The following RSRC1 variants were observed in gnomAD, a reference collection of about 807,000 sequenced individuals.
RSRC1 encodes the protein serine/Arginine-related protein 53.
A neutral mutation model predicts 49.1 loss-of-function variants in RSRC1; 39 were observed. The observed-to-expected ratio is 0.79, with a 90% CI of 0.61 to 1.04. The LOEUF (loss-of-function observed/expected upper bound fraction) is 1.04, where lower values mean the gene tolerates loss of function less well. Among genes scored for constraint, RSRC1 ranks in the 50% least tolerant of loss-of-function variants. The pLI, the probability that RSRC1 is intolerant of heterozygous loss-of-function variation, is 0.00. For missense variants in RSRC1, 388 were observed against 402.4 expected (o/e 0.96, Z 0.31); for synonymous variants, 143 against 130.8 (o/e 1.09, Z -0.63).
chr3:158,460,446 C>T (rs1269481118), intron 6 of RSRC1, among the ~76,000 whole-genome samples: 1 of 151,722 alleles, frequency 6.6e-6, no homozygotes, highest in Non-Finnish European at 1.5e-5. Flanking sequence ...TTCTTTTAAC[C>T]AAATGCTGTC....
At chr3:158,238,804 T>C (rs955837220) in intron 4 of RSRC1, among the ~76,000 whole-genome samples, 1 of 152,122 alleles carries the variant, frequency 6.6e-6, no homozygotes, top group Admixed American at 6.6e-5. Flanking sequence ...GACATAGGCA[T>C]GGGCAAGGAC....
chr3:158,121,116 C>A (rs1715229337), intron 1 of RSRC1, among the ~76,000 whole-genome samples: 1 of 151,710 alleles, frequency 6.6e-6, no homozygotes, highest in African/African-American at 2.4e-5. Context: ...TTCATATGTA[C>A]ATATTTTCTT....
chr3:158,264,217 T>G (rs1210285642), intron 4 of RSRC1, among the ~76,000 whole-genome samples: 1 of 152,198 alleles, frequency 6.6e-6, no homozygotes, highest in Non-Finnish European at 1.5e-5. Context: ...ATTCTGATAT[T>G]ATGTTTTTGT....
intron 5 of RSRC1, among the ~76,000 whole-genome samples, chr3:158,352,285 A>G (rs1483952964): frequency 6.6e-6 from 1 of 152,144 alleles, no homozygotes; most frequent in Non-Finnish European, 1.5e-5. Flanking sequence ...CAAAAAAGAA[A>G]AAAGAATCTT....
chr3:158,384,037 GTTTC>G lies in RSRC1; in HGVS notation c.583+29133_583+29136del, dbSNP rs560096679. On this transcript the variant is annotated intron_variant, in intron 6 of 9. Coordinates refer to ENST00000611884, the MANE Select transcript of RSRC1 (RefSeq NM_001271838.2). ...ATATTTTAGAAAAGATTTATGACTA[GTTTC>G]TTTATGAAGTAGCCTACTCTTTGTA... is the stretch of plus-strand genomic sequence containing the variant. Among the ~76,000 whole-genome samples the G allele has an allele frequency of 7.2e-3, 1,099 of 152,210 alleles. 16 individuals carry two copies. Among genetic ancestry groups the G allele is most frequent in the African/African-American group, 0.026 (1,062 of 41,564 alleles).
At chr3:158,117,958 C>T (rs894599621) in intron 1 of RSRC1, among the ~76,000 whole-genome samples, 6 of 148,082 alleles carry the variant, frequency 4.1e-5, no homozygotes, top group Non-Finnish European at 5.9e-5. Flanking sequence ...TTTTTGTTGT[C>T]TGTTTTTTTG....
Position 158,203,141 on chromosome 3 carries a change from T to A in RSRC1, c.390T>A (p.Arg130=), listed in dbSNP as rs1426093464. 2.5e-6 allele frequency: 4 copies of A among 1,613,692 alleles called. No homozygotes were observed. The highest frequency in any genetic ancestry group is 3.4e-6 in the Non-Finnish European group (4 of 1,179,864). ...SSERSSHRRT[R]SRSRDRERRK... ...AAAGGTCCAGTCACAGAAGAACGCG[T>A]AGTCGGTCTCGGGATAGAGAACGAC... The change falls in exon 4 of 10, where the codon CGT becomes CGA. Residue 130 remains arginine (R), a synonymous_variant. Coordinates refer to ENST00000611884, the MANE Select transcript of RSRC1 (RefSeq NM_001271838.2).
At chr3:158,334,341 A>T (rs1403923948) in intron 5 of RSRC1, among the ~76,000 whole-genome samples, 1 of 152,166 alleles carries the variant, frequency 6.6e-6, no homozygotes, top group African/African-American at 2.4e-5. Context: ...AAAAATAACT[A>T]GTTTTGTGTG....
At chr3:158,167,015 A>T (rs1358248564) in intron 3 of RSRC1, among the ~76,000 whole-genome samples, 2 of 152,160 alleles carry the variant, frequency 1.3e-5, no homozygotes, top group Non-Finnish European at 2.9e-5. Flanking sequence ...ATAACAACTT[A>T]GTGGTTAGGA....
intron 4 of RSRC1, among the ~76,000 whole-genome samples, chr3:158,271,783 G>A (rs1725530640): frequency 6.6e-6 from 1 of 151,852 alleles, no homozygotes; most frequent in African/African-American, 2.4e-5. Context: ...ACCTTTTTAG[G>A]TGTACAAGTC....
At chr3:158,504,457 G>A (rs1261616132) in intron 7 of RSRC1, among the ~76,000 whole-genome samples, 1 of 152,166 alleles carries the variant, frequency 6.6e-6, no homozygotes, top group Non-Finnish European at 1.5e-5. Context: ...TGAATTTAAG[G>A]TAATATGCAG....
chr3:158,128,786 C>T (rs1715801141), intron 3 of RSRC1, among the ~76,000 whole-genome samples: 1 of 152,146 alleles, frequency 6.6e-6, no homozygotes, highest in South Asian at 2.1e-4. Context: ...AGTTCCTCAT[C>T]CAAAGATGAG....
Position 158,402,215 on chromosome 3 carries a change from A to G in RSRC1, c.583+47307A>G, listed in dbSNP as rs1578431566. Among the ~76,000 whole-genome samples the G allele has an allele frequency of 3.3e-5, 5 of 151,792 alleles. No homozygotes were observed. The South Asian group carries it at 8.3e-4, about 25-fold the overall frequency. ...GCCGCCCTCAGAGTTTGACCATTCA[A>G]TTTCTTCTGTAGTCAGAAAATATCT... On this transcript the variant is annotated intron_variant, in intron 6 of 9. Transcript: ENST00000611884.
chr3:158,492,484 A>T (rs1465790547), intron 7 of RSRC1, among the ~76,000 whole-genome samples: 1 of 152,200 alleles, frequency 6.6e-6, no homozygotes, highest in African/African-American at 2.4e-5. Flanking sequence ...TGTTCTCTGG[A>T]TAGCTGCAGA....
chr3:158,262,728 A>C (rs1463708822), intron 4 of RSRC1, among the ~76,000 whole-genome samples: 1 of 152,006 alleles, frequency 6.6e-6, no homozygotes, highest in Non-Finnish European at 1.5e-5. Context: ...AGGTCTTTAA[A>C]ATTTTTTTCA....
intron 4 of RSRC1, among the ~76,000 whole-genome samples, chr3:158,210,277 C>T (rs1418900418): frequency 6.6e-6 from 1 of 151,994 alleles, no homozygotes; most frequent in Non-Finnish European, 1.5e-5. Flanking sequence ...GTGTTGTTTT[C>T]ATTAAACATT....
chr3:158,329,314 T>G (rs911357848), intron 5 of RSRC1, among the ~76,000 whole-genome samples: 2 of 152,258 alleles, frequency 1.3e-5, no homozygotes, highest in Non-Finnish European at 2.9e-5. Context: ...AGAGGTGCTC[T>G]GATTTTTAGA....
intron 3 of RSRC1, among the ~76,000 whole-genome samples, chr3:158,178,007 A>G (rs939422327): frequency 2.0e-5 from 3 of 152,026 alleles, no homozygotes; most frequent in African/African-American, 4.8e-5. Flanking sequence ...CACTTTTTCA[A>G]ATTTATTAGC....
At chr3:158,435,473 T>C (rs1443183496) in intron 6 of RSRC1, among the ~76,000 whole-genome samples, 1 of 151,706 alleles carries the variant, frequency 6.6e-6, no homozygotes, top group East Asian at 1.9e-4. Context: ...ATATAGGACT[T>C]GTGGTGGCTG....
Sources: allele counts gnomAD v4.1 joint callset (sites outside exome capture counted in the v4.1 genomes callset), GRCh38; gene constraint gnomAD v4.1.1; transcripts MANE v1.5; gene names NCBI Gene and HGNC (gene_info 2026-07-23, HGNC 2026-07-21).